Variants in NCALD observed in about 807,000 individuals in gnomAD.
NCALD encodes the protein neurocalcin-delta.
In NCALD, 10 loss-of-function variants were observed where a neutral mutation model predicts 18.6. The ratio of observed to expected loss-of-function variants is 0.54; its 90% CI spans 0.33 to 0.91. The LOEUF (loss-of-function observed/expected upper bound fraction) is 0.91, where lower values mean the gene tolerates loss of function less well. NCALD is among the 40% of genes least tolerant of loss of function. The pLI, the probability that NCALD is intolerant of heterozygous loss-of-function variation, is 0.03. For missense variants in NCALD, 184 were observed against 247.6 expected (o/e 0.74, Z 1.72); for synonymous variants, 88 against 87.4 (o/e 1.01, Z -0.04).
intron 2 of NCALD, among the ~76,000 whole-genome samples, chr8:101,958,673 G>A (rs1819725921): frequency 6.6e-6 from 1 of 152,078 alleles, no homozygotes; most frequent in Non-Finnish European, 1.5e-5. Context: ...TCTAGCAGAA[G>A]AGAAAACTGA....
At chr8:101,760,253 C>A (rs143667609) in intron 1 of NCALD, among the ~76,000 whole-genome samples, 1 of 152,130 alleles carries the variant, frequency 6.6e-6, no homozygotes, top group African/African-American at 2.4e-5. Context: ...TGGCTAGCAA[C>A]GGGCTTTATT....
In NCALD at chr8:101,804,712, TATA is replaced by T. The variant is rs1203736325; in HGVS notation, c.-20+82426_-20+82428del. 3.2e-4 allele frequency among the ~76,000 whole-genome samples: 47 copies of T among 145,702 alleles called. 1 individual carries two copies. The highest frequency in any genetic ancestry group is 1.8e-3 in the Admixed American group (25 of 14,284). On this transcript the variant is annotated intron_variant, in intron 4 of 6. Transcript: ENST00000311028. Reference sequence around the variant, plus strand: ...TAATACCTAATTATATATAAATAATTATAATAAAATATAATGCTTTTAAAAACA... The same window carrying T: ...TAATACCTAATTATATATAAATAATTATAAAATATAATGCTTTTAAAAACA...
chr8:101,931,569 G>T (rs994168672), intron 2 of NCALD, among the ~76,000 whole-genome samples: 2 of 151,926 alleles, frequency 1.3e-5, no homozygotes, highest in Non-Finnish European at 2.9e-5. Context: ...ATGAACACAG[G>T]CGACATATTT....
chr8:101,980,004 G>T (rs182150165), intron 2 of NCALD, among the ~76,000 whole-genome samples: 31 of 152,252 alleles, frequency 2.0e-4, no homozygotes, highest in Non-Finnish European at 1.2e-4. Context: ...TCCTGTGAAG[G>T]CTTGGCAGCT....
intron 2 of NCALD, among the ~76,000 whole-genome samples, chr8:101,922,154 GAA>G (rs57292977): frequency 0.11 from 14,552 of 138,178 alleles, 793 homozygotes; most frequent in East Asian, 0.19. Context: ...AGATTTTACT[GAA>G]AAAAAAAAAT....
chr8:101,904,493 T>C (rs902208874), intron 3 of NCALD, among the ~76,000 whole-genome samples: 2 of 152,062 alleles, frequency 1.3e-5, no homozygotes, highest in South Asian at 4.2e-4. Context: ...TATATCCTGG[T>C]CTCCCCTCCA....
At chr8:102,053,664 G>A (rs963890500) in intron 1 of NCALD, among the ~76,000 whole-genome samples, 7 of 152,208 alleles carry the variant, frequency 4.6e-5, no homozygotes, top group Admixed American at 3.9e-4. Context: ...TATACCAGAG[G>A]AATTAGATGT....
intron 3 of NCALD, among the ~76,000 whole-genome samples, chr8:101,908,535 T>C (rs1040389663): frequency 6.6e-6 from 1 of 152,214 alleles, no homozygotes; most frequent in African/African-American, 2.4e-5. Context: ...GTTCACATCC[T>C]TGTACTAAGT....
chr8:101,704,734 A>G (rs1347426544), intron 2 of NCALD, among the ~76,000 whole-genome samples: 1 of 151,548 alleles, frequency 6.6e-6, no homozygotes. Flanking sequence ...CCTGGCCAAC[A>G]TGGTGAAACC....
chr8:101,917,165 A>G (rs1255539615), intron 2 of NCALD, among the ~76,000 whole-genome samples: 1 of 152,054 alleles, frequency 6.6e-6, no homozygotes, highest in Non-Finnish European at 1.5e-5. Flanking sequence ...ATTATAGTGC[A>G]ATAAAAATAG....
chr8:102,097,490 T>C (rs1387822273), intron 1 of NCALD, among the ~76,000 whole-genome samples: 1 of 152,234 alleles, frequency 6.6e-6, no homozygotes, highest in African/African-American at 2.4e-5. Flanking sequence ...GCTTGCTCTG[T>C]GGCTCATCAT....
chr8:102,109,265 C>A (rs1277924000), intron 1 of NCALD, among the ~76,000 whole-genome samples: 4 of 151,296 alleles, frequency 2.6e-5, no homozygotes, highest in African/African-American at 9.7e-5. Flanking sequence ...AAAATGTACA[C>A]ATAAAAGGTA....
intron 4 of NCALD, among the ~76,000 whole-genome samples, chr8:101,839,746 G>A (rs992029717): frequency 3.3e-5 from 5 of 152,108 alleles, no homozygotes; most frequent in Non-Finnish European, 5.9e-5. Context: ...AAATCAAGCC[G>A]AGGAGGTGGT....
chr8:101,707,759 T>G (rs1815597207), intron 2 of NCALD, among the ~76,000 whole-genome samples: 1 of 152,108 alleles, frequency 6.6e-6, no homozygotes, highest in Non-Finnish European at 1.5e-5. Context: ...TCCCAGCTAC[T>G]TGGGAGGCTG....
At chr8:101,857,274 G>A (rs951632225) in intron 4 of NCALD, among the ~76,000 whole-genome samples, 7 of 152,114 alleles carry the variant, frequency 4.6e-5, no homozygotes, top group Non-Finnish European at 1.5e-5. Flanking sequence ...GACTGAGATA[G>A]TTTCAATAAG....
At chr8:101,873,732 C>T (rs967730827) in intron 4 of NCALD, among the ~76,000 whole-genome samples, 7 of 152,260 alleles carry the variant, frequency 4.6e-5, no homozygotes, top group East Asian at 1.9e-4. Context: ...GCTATACTGC[C>T]GCCCCCATTG....
At chr8:101,872,598 TA>T in intron 4 of NCALD, 1 of 530,080 alleles carries the variant, frequency 1.9e-6, no homozygotes. Flanking sequence ...TCAGATTTTC[TA>T]AAAACATGTT....
At chr8:101,732,221 C>G (rs1816864466) in intron 1 of NCALD, among the ~76,000 whole-genome samples, 1 of 152,220 alleles carries the variant, frequency 6.6e-6, no homozygotes, top group Non-Finnish European at 1.5e-5. Flanking sequence ...CTCATTATTA[C>G]TACTTTGGGT....
At chr8:102,083,909 A>G (rs1824643224) in intron 1 of NCALD, among the ~76,000 whole-genome samples, 1 of 152,232 alleles carries the variant, frequency 6.6e-6, no homozygotes, top group Admixed American at 6.5e-5. Context: ...GACAGCTTTG[A>G]CCAAATTCTG....
Sources: allele counts gnomAD v4.1 joint callset (sites outside exome capture counted in the v4.1 genomes callset), GRCh38; gene constraint gnomAD v4.1.1; transcripts MANE v1.5; gene names NCBI Gene and HGNC (gene_info 2026-07-23, HGNC 2026-07-21).